SAMD12: variants seen among roughly 807,000 people sequenced by gnomAD.
SAMD12 encodes the protein sterile alpha motif domain-containing protein 12.
Under a neutral mutation model 15.0 loss-of-function variants are expected in SAMD12, and 9 were observed. The observed-to-expected ratio is 0.60, with a 90% CI of 0.36 to 1.05. The LOEUF is 1.05. Among genes scored for constraint, SAMD12 ranks in the 50% least tolerant of loss-of-function variants. SAMD12 has a pLI of 0.01. For missense variants in SAMD12, 230 were observed against 234.2 expected, an observed-to-expected ratio of 0.98 and a Z score of 0.12; for synonymous variants, 86 against 90.1, an observed-to-expected ratio of 0.96 and a Z score of 0.25.
intron 4 of SAMD12, among the ~76,000 whole-genome samples, chr8:118,319,802 G>C (rs1212263461): frequency 1.3e-5 from 2 of 152,160 alleles, no homozygotes; most frequent in Non-Finnish European, 2.9e-5. Context: ...AAAAGCGCAG[G>C]TTTGGTGTTT....
intron 3 of SAMD12, among the ~76,000 whole-genome samples, chr8:118,416,277 T>C (rs1377994793): frequency 6.6e-6 from 1 of 152,170 alleles, no homozygotes; most frequent in Non-Finnish European, 1.5e-5. Flanking sequence ...CTTAACCATA[T>C]TAACTATTGT....
chr8:118,584,788 C>T (rs1308680787), intron 1 of SAMD12, among the ~76,000 whole-genome samples: 1 of 151,890 alleles, frequency 6.6e-6, no homozygotes, highest in Admixed American at 6.6e-5. Flanking sequence ...ACCTACTTCC[C>T]CAGAAAATTG....
At chr8:118,513,886 T>C (rs1357688729) in intron 2 of SAMD12, among the ~76,000 whole-genome samples, 1 of 152,206 alleles carries the variant, frequency 6.6e-6, no homozygotes, top group East Asian at 1.9e-4. Context: ...CAAAAAGGAA[T>C]AGTGTTCTAC....
intron 4 of SAMD12, among the ~76,000 whole-genome samples, chr8:118,232,220 G>A (rs1342191632): frequency 1.3e-5 from 2 of 152,118 alleles, no homozygotes; most frequent in Non-Finnish European, 2.9e-5. Context: ...TAAAATCAAG[G>A]TTGTGATTAG....
At chr8:118,373,661 T>C (rs1248807680), downstream of SAMD12, among the ~76,000 whole-genome samples, 1 of 152,114 alleles carries the variant, frequency 6.6e-6, no homozygotes, top group Non-Finnish European at 1.5e-5. Flanking sequence ...CTGGCCCTGG[T>C]AAACAAACAT....
chr8:118,234,362 G>A (rs1812381964), intron 4 of SAMD12, among the ~76,000 whole-genome samples: 1 of 151,948 alleles, frequency 6.6e-6, no homozygotes, highest in Non-Finnish European at 1.5e-5. Context: ...ATACTGATTT[G>A]GTTTTGCATT....
chr8:118,372,864 A>G (rs1363105696), intron 4 of SAMD12, among the ~76,000 whole-genome samples: 1 of 152,136 alleles, frequency 6.6e-6, no homozygotes, highest in African/African-American at 2.4e-5. Flanking sequence ...ATGATGACAC[A>G]TCACAGCTTT....
At position 118,600,530 on chromosome 8, in the gene SAMD12, A is replaced by G. The variant is rs149583801; in HGVS notation, c.14-19637T>C. 4.1e-4 allele frequency among the ~76,000 whole-genome samples: 62 copies of G among 152,322 alleles called. No individual in the cohort carries two copies. The East Asian group carries it at 0.012, about 29-fold the overall frequency. On this transcript the variant is annotated intron_variant, in intron 1 of 3. Transcript: ENST00000314727. ...GGCAACTACTAATAGTCAGCAGTGCAGACAAGATCATAATTTCTAATTCTG... is the reference window on the plus strand; with the variant it reads ...GGCAACTACTAATAGTCAGCAGTGCGGACAAGATCATAATTTCTAATTCTG...
chr8:118,422,988 A>G (rs901650128), intron 3 of SAMD12, among the ~76,000 whole-genome samples: 3 of 152,168 alleles, frequency 2.0e-5, no homozygotes, highest in African/African-American at 7.2e-5. Flanking sequence ...AGCCTGGGCA[A>G]CACGGTGAAA....
chr8:118,339,959 T>C (rs1024179318), intron 4 of SAMD12, among the ~76,000 whole-genome samples: 3 of 152,232 alleles, frequency 2.0e-5, no homozygotes, highest in African/African-American at 4.8e-5. Context: ...TTGCTGCCTG[T>C]GTTCAATAGA....
At chr8:118,493,999 C>T (rs1342162875) in intron 2 of SAMD12, among the ~76,000 whole-genome samples, 3 of 152,154 alleles carry the variant, frequency 2.0e-5, no homozygotes, top group African/African-American at 7.2e-5. Context: ...CTTTTCTCTT[C>T]TCGAAAGCTG....
At chr8:118,460,655 A>C (rs1277822180) in intron 2 of SAMD12, among the ~76,000 whole-genome samples, 1 of 152,148 alleles carries the variant, frequency 6.6e-6, no homozygotes, top group East Asian at 1.9e-4. Context: ...AGAGAGTTGG[A>C]AGATGGTGAG....
intron 2 of SAMD12, among the ~76,000 whole-genome samples, chr8:118,540,056 A>G (rs1825947010): frequency 6.6e-6 from 1 of 152,232 alleles, no homozygotes; most frequent in Admixed American, 6.5e-5. Flanking sequence ...AACTGGCAGG[A>G]GTCTCTGCTT....
At position 118,552,657 on chromosome 8, in the gene SAMD12, T is replaced by C. The variant is rs181547595; in HGVS notation, c.192+28058A>G. ...GCCCTCTCTCACCACTCCTATTCAA[T>C]GTAGTGTTGGAAGTTCTGGCCACGG... On this transcript the variant is annotated intron_variant, in intron 2 of 3. Transcript: ENST00000314727. Among the ~76,000 whole-genome samples the C allele has an allele frequency of 5.9e-3, 893 of 152,258 alleles. 2 individuals carry two copies. The highest frequency in any genetic ancestry group is 0.02 in the African/African-American group (828 of 41,536).
intron 4 of SAMD12, among the ~76,000 whole-genome samples, chr8:118,306,502 G>T (rs1344992390): frequency 1.3e-5 from 2 of 152,108 alleles, no homozygotes; most frequent in Admixed American, 6.5e-5. Flanking sequence ...GTGGCTTGGA[G>T]CATAAATGTG....
At chr8:118,314,219 G>A (rs951495969) in intron 4 of SAMD12, among the ~76,000 whole-genome samples, 1 of 152,024 alleles carries the variant, frequency 6.6e-6, no homozygotes, top group South Asian at 2.1e-4. Flanking sequence ...TTGTTAAGCA[G>A]GGTAATGTGA....
chr8:118,528,129 T>C (rs1225657153), intron 2 of SAMD12, among the ~76,000 whole-genome samples: 5 of 152,130 alleles, frequency 3.3e-5, no homozygotes, highest in African/African-American at 1.2e-4. Flanking sequence ...CAGGTTCAAG[T>C]GATTCTCCTG....
chr8:118,264,436 T>C (rs1165842455), intron 4 of SAMD12, among the ~76,000 whole-genome samples: 2 of 152,172 alleles, frequency 1.3e-5, no homozygotes, highest in East Asian at 1.9e-4. Flanking sequence ...ATTGTTTTTC[T>C]AGAAAACATT....
chr8:118,292,653 A>C (rs1419570750), intron 4 of SAMD12, among the ~76,000 whole-genome samples: 1 of 151,840 alleles, frequency 6.6e-6, no homozygotes, highest in East Asian at 1.9e-4. Context: ...AACCAACCCA[A>C]ATGTCCAACA....
Sources: allele counts gnomAD v4.1 joint callset (sites outside exome capture counted in the v4.1 genomes callset), GRCh38; gene constraint gnomAD v4.1.1; transcripts MANE v1.5; gene names NCBI Gene and HGNC (gene_info 2026-07-23, HGNC 2026-07-21).